The following TSPEAR variants were observed in gnomAD, a reference collection of about 807,000 sequenced individuals.
TSPEAR encodes thrombospondin-type laminin G domain and EAR repeat-containing protein.
A neutral mutation model predicts 71.6 loss-of-function variants in TSPEAR; 69 were observed. The ratio of observed to expected loss-of-function variants is 0.96; its 90% CI spans 0.79 to 1.18. The LOEUF (loss-of-function observed/expected upper bound fraction) is 1.18. Among genes scored for constraint, TSPEAR ranks in the 50% most tolerant of loss-of-function variants. The probability of loss-of-function intolerance (pLI) is 0.00; values close to 1 mark genes in which losing one functional copy is unlikely to be tolerated. For missense variants in TSPEAR, 971 were observed against 894.9 expected, an observed-to-expected ratio of 1.09 and a Z score of -1.09; for synonymous variants, 402 against 387.2, an observed-to-expected ratio of 1.04 and a Z score of -0.45.
chr21:44,677,665 C>T (rs782599931), intron 1 of TSPEAR: 52 of 1,344,162 alleles, frequency 3.9e-5, no homozygotes, highest in Middle Eastern at 2.1e-4. Context: ...GTATCACCTG[C>T]GGTTGCTGAA....
rs114316255 is a variant in TSPEAR at position 44,593,065 on chromosome 21, G to A, written c.83-25060C>T. 2.0e-5 allele frequency among the ~76,000 whole-genome samples: 3 copies of A among 152,290 alleles called. No homozygotes were observed. Among genetic ancestry groups the A allele is most frequent in the South Asian group, 4.1e-4 (2 of 4,828 alleles). ...TCATCCCCACAGCCTCTTCACCTCC[G>A]GCCCTGTTTCGTGTCCACCTCGTCT... On this transcript the variant is annotated intron_variant, in intron 1 of 11. Coordinates refer to ENST00000323084, the MANE Select transcript of TSPEAR (RefSeq NM_144991.3). This position sits in a 1 kb window ranked among gnomAD's most constrained non-coding sequence, Gnocchi z 5.9.
chr21:44,628,737 G>A (rs879982928), intron 1 of TSPEAR, among the ~76,000 whole-genome samples: 10 of 152,126 alleles, frequency 6.6e-5, no homozygotes, highest in Middle Eastern at 3.2e-3. Flanking sequence ...GGAGACGGGC[G>A]GTGGGGGGTG....
chr21:44,549,224 G>A (rs587694481), intron 2 of TSPEAR, among the ~76,000 whole-genome samples: 1 of 152,318 alleles, frequency 6.6e-6, no homozygotes, highest in South Asian at 2.1e-4. Context: ...AAAGGAATGT[G>A]AGCTGGTGCT....
At chr21:44,598,711 T>C (rs1213372465) in intron 1 of TSPEAR, among the ~76,000 whole-genome samples, 1 of 152,228 alleles carries the variant, frequency 6.6e-6, no homozygotes, top group African/African-American at 2.4e-5. Context: ...GCATTACTTT[T>C]CTACTTCTAG....
chr21:44,580,418 G>T (rs782133350), intron 1 of TSPEAR: 6 of 1,612,970 alleles, frequency 3.7e-6, no homozygotes, highest in South Asian at 2.2e-5. Flanking sequence ...CTCACAGGCC[G>T]CCTGGCAGCA....
intron 8 of TSPEAR, among the ~76,000 whole-genome samples, chr21:44,525,059 T>A (rs2052823242): frequency 1.3e-5 from 2 of 151,760 alleles, no homozygotes; most frequent in South Asian, 2.1e-4. Context: ...AGGTAGTTAG[T>A]CAGATAGTCA....
At chr21:44,643,726 T>C (rs190888419) in intron 1 of TSPEAR, among the ~76,000 whole-genome samples, 38 of 152,166 alleles carry the variant, frequency 2.5e-4, no homozygotes, top group Admixed American at 1.8e-3. Context: ...CACACACACA[T>C]ACACAAACAA....
intron 1 of TSPEAR, among the ~76,000 whole-genome samples, chr21:44,665,392 G>A (rs1391360498): frequency 6.6e-6 from 1 of 152,220 alleles, no homozygotes; most frequent in African/African-American, 2.4e-5. Flanking sequence ...ACCTGAGACA[G>A]TCACAGCAGA....
chr21:44,507,307 C>T (rs782140988), intron 10 of TSPEAR, among the ~76,000 whole-genome samples: 4 of 152,110 alleles, frequency 2.6e-5, no homozygotes, highest in Non-Finnish European at 5.9e-5. Flanking sequence ...ACTACTGAAT[C>T]TAAAAAGCAA....
chr21:44,518,616 C>CT (rs1569159791), intron 9 of TSPEAR: 2 of 469,502 alleles, frequency 4.3e-6, no homozygotes, highest in Non-Finnish European at 4.4e-6. Flanking sequence ...CTTGTGGTGC[C>CT]TTTCCATCCA....
intron 1 of TSPEAR, chr21:44,682,022 C>T: frequency 1.2e-6 from 2 of 1,610,022 alleles, no homozygotes; most frequent in Non-Finnish European, 1.7e-6. Context: ...CGGGCACGCA[C>T]ACGGAGGACT....
chr21:44,549,088 C>G (rs1009883031), intron 2 of TSPEAR, among the ~76,000 whole-genome samples: 1 of 152,228 alleles, frequency 6.6e-6, no homozygotes, highest in African/African-American at 2.4e-5. Context: ...GCAAATCCTG[C>G]CCCTGTGCCC....
At chr21:44,589,635 A>C (rs1979620265) in intron 1 of TSPEAR, among the ~76,000 whole-genome samples, 1 of 152,236 alleles carries the variant, frequency 6.6e-6, no homozygotes, top group South Asian at 2.1e-4. Flanking sequence ...GACCCAGAGC[A>C]GGGGTCAGAG....
chr21:44,579,918 C>G (rs782490022), intron 1 of TSPEAR: 1 of 1,613,634 alleles, frequency 6.2e-7, no homozygotes. Flanking sequence ...AGGAGGGACA[C>G]GGAGGAGGAG....
chr21:44,688,246 C>T (rs1166464798), intron 1 of TSPEAR, among the ~76,000 whole-genome samples: 3 of 151,906 alleles, frequency 2.0e-5, no homozygotes, highest in Non-Finnish European at 2.9e-5. Flanking sequence ...AACGGTGGAT[C>T]GCAGGTCAGC....
rs782107786 is a variant in TSPEAR at position 44,593,398 on chromosome 21, T to C, written c.83-25393A>G. On this transcript the variant is annotated intron_variant, in intron 1 of 11. Coordinates refer to ENST00000323084, the MANE Select transcript of TSPEAR (RefSeq NM_144991.3). This position sits in a 1 kb window ranked among gnomAD's most constrained non-coding sequence, Gnocchi z 5.9. ...GTCACCACCTTAAAATTAAGGGACA[T>C]CTGTCCAAAGAACCCGCACAGAAGA... is the stretch of plus-strand genomic sequence containing the variant. Among the ~76,000 whole-genome samples the C allele has an allele frequency of 5.3e-5, 8 of 152,166 alleles. No homozygotes were observed. Among genetic ancestry groups the C allele is most frequent in the Non-Finnish European group, 1.0e-4 (7 of 68,032 alleles).
At chr21:44,608,757 T>A (rs1555930291) in intron 1 of TSPEAR, among the ~76,000 whole-genome samples, 1 of 152,210 alleles carries the variant, frequency 6.6e-6, no homozygotes, top group Non-Finnish European at 1.5e-5. Flanking sequence ...AGATACAGAA[T>A]AAATGGAATT....
At chr21:44,562,799 G>T (rs1555921281) in intron 2 of TSPEAR, among the ~76,000 whole-genome samples, 1 of 152,090 alleles carries the variant, frequency 6.6e-6, no homozygotes, top group East Asian at 1.9e-4. Context: ...GCAAAATAAA[G>T]GCATTCCCAG....
At chr21:44,694,236 T>C (rs1170732516) in intron 1 of TSPEAR, among the ~76,000 whole-genome samples, 1 of 152,196 alleles carries the variant, frequency 6.6e-6, no homozygotes, top group African/African-American at 2.4e-5. Context: ...TCCATAAAAA[T>C]GAAAGAAGTC....
Sources: gnomAD v4.1 joint callset for allele counts (sites outside exome capture counted in the v4.1 genomes callset) on GRCh38, gnomAD v4.1.1 for gene constraint, Gnocchi (gnomAD v3.1) non-coding constraint, MANE v1.5 for transcripts, NCBI Gene and HGNC (gene_info 2026-07-23, HGNC 2026-07-21) for gene names.